ZNF554: variants seen among roughly 807,000 people sequenced by gnomAD.
The protein encoded by ZNF554 is zinc finger protein 554.
ZNF554 carries 15 observed loss-of-function variants against 21.2 expected under a neutral mutation model. The ratio of observed to expected loss-of-function variants is 0.71; its 90% CI spans 0.47 to 1.09. The LOEUF (loss-of-function observed/expected upper bound fraction) is 1.09. Ranked by LOEUF, ZNF554 falls within the 50% of genes least tolerant of loss-of-function variation. ZNF554 has a pLI of 0.00. For missense variants in ZNF554, 691 were observed against 662.7 expected (o/e 1.04, Z -0.47); for synonymous variants, 258 against 251.4 (o/e 1.03, Z -0.25).
chr19:2,820,475 T>C (rs561146700), intron 1 of ZNF554, among the ~76,000 whole-genome samples: 1 of 152,256 alleles, frequency 6.6e-6, no homozygotes, highest in Admixed American at 6.5e-5. Context: ...GGTCCTGCCC[T>C]CCAGGGGACA....
In ZNF554 at chr19:2,819,978, G is replaced by T. The variant is rs1209347864; in HGVS notation, c.-94G>T. Reference sequence around the variant, plus strand: ...TCCGAGCGCCGAGGAGCCGAGCGGAGGAGGCGTCCCAGGGACACGCAGGGG... The same window carrying T: ...TCCGAGCGCCGAGGAGCCGAGCGGATGAGGCGTCCCAGGGACACGCAGGGG... On this transcript the variant is annotated 5_prime_UTR_variant, in exon 1 of 5. It adds an upstream start codon to the 5' untranslated region. Coordinates refer to ENST00000317243, the MANE Select transcript of ZNF554 (RefSeq NM_001102651.2). 6 of 1,008,060 alleles carry T rather than the reference G, an allele frequency of 6.0e-6. No homozygotes were observed. Among genetic ancestry groups the T allele is most frequent in the Non-Finnish European group, 7.5e-6 (6 of 797,310 alleles). The allele number at this position is 1,008,060 out of a possible 1,614,324, so 62.4% of individuals were successfully genotyped here.
chr19:2,833,628 C>G lies in ZNF554; in HGVS notation c.446-53C>G. 7 of 1,465,540 alleles carry G rather than the reference C, an allele frequency of 4.8e-6. No homozygotes were observed. The South Asian group carries it at 1.0e-4, about 21-fold the overall frequency. 90.8% of individuals were successfully genotyped at this position (1,465,540 alleles called of 1,614,324 possible). A position where few individuals can be genotyped will look rare whatever the true frequency, so the allele number is the denominator to read the frequency against. ...GAAGGACTTCTGTCCCGCTGGTTTTCAAGTAGCTGTTTCTTCTTCTAAAAA... is the reference window on the plus strand; with the variant it reads ...GAAGGACTTCTGTCCCGCTGGTTTTGAAGTAGCTGTTTCTTCTTCTAAAAA... On this transcript the variant is annotated intron_variant, in intron 4 of 4. Transcript: ENST00000317243.
Position 2,836,478 on chromosome 19 carries a change from C to T in ZNF554, c.*1626C>T, listed in dbSNP as rs2087497910. 2.0e-5 allele frequency among the ~76,000 whole-genome samples: 3 copies of T among 152,140 alleles called. No homozygotes were observed. Among genetic ancestry groups the T allele is most frequent in the Admixed American group, 2.0e-4 (3 of 15,268 alleles). On this transcript the variant is annotated 3_prime_UTR_variant, in exon 5 of 5. Coordinates refer to ENST00000317243, the MANE Select transcript of ZNF554 (RefSeq NM_001102651.2). ...TGCTGATCCAGAGTATATGCTAAGACGGAAAGCGCTTTGGAGGTAAAGTTT... is the reference window on the plus strand; with the variant it reads ...TGCTGATCCAGAGTATATGCTAAGATGGAAAGCGCTTTGGAGGTAAAGTTT...
In ZNF554 at chr19:2,825,000, G is replaced by GTTTTTTTTTTTTTTT. The variant is rs1568332468; in HGVS notation, c.126+1890_126+1891insTTTTTTTTTTTTTTT. On this transcript the variant is annotated intron_variant, in intron 2 of 4. Coordinates refer to ENST00000317243, the MANE Select transcript of ZNF554 (RefSeq NM_001102651.2). Reference sequence around the variant, plus strand: ...TCTCACTGAGCATAACGTGATTGCAGTTGTTTTTTTTTTTTTTTTTTTTTT... The same window carrying GTTTTTTTTTTTTTTT: ...TCTCACTGAGCATAACGTGATTGCAGTTTTTTTTTTTTTTTTTGTTTTTTTTTTTTTTTTTTTTTT... 4.4e-5 allele frequency among the ~76,000 whole-genome samples: 5 copies of GTTTTTTTTTTTTTTT among 114,914 alleles called. 2 individuals carry two copies. Among genetic ancestry groups the GTTTTTTTTTTTTTTT allele is most frequent in the Non-Finnish European group, 1.8e-5 (1 of 55,646 alleles). The allele number at this position is 114,914 out of a possible 152,430, so 75.4% of individuals were successfully genotyped here.
chr19:2,835,073 A>C lies in ZNF554; in HGVS notation c.*221A>C. The C allele has an allele frequency of 2.1e-6, 1 of 480,114 alleles. No homozygotes were observed. The highest frequency in any genetic ancestry group is 3.7e-6 in the Non-Finnish European group (1 of 269,884). 29.7% of individuals were successfully genotyped at this position (480,114 alleles called of 1,614,324 possible). On this transcript the variant is annotated 3_prime_UTR_variant, in exon 5 of 5. Transcript: ENST00000317243. ...GAGTCCAGTGGCGTGATCATACCTC[A>C]CTGCAGCTTCAACTTCCTGGGCTCA...
chr19:2,822,496 G>A (rs995201278), intron 1 of ZNF554, among the ~76,000 whole-genome samples: 4 of 152,176 alleles, frequency 2.6e-5, no homozygotes, highest in Admixed American at 6.5e-5. Context: ...TGCATGGAGC[G>A]CTTCACTTCC....
chr19:2,826,836 G>A (rs929539869), intron 2 of ZNF554, among the ~76,000 whole-genome samples: 9 of 151,958 alleles, frequency 5.9e-5, no homozygotes, highest in African/African-American at 2.2e-4. Flanking sequence ...TAATTTTTTT[G>A]TATTTTTAGT....
Position 2,823,036 on chromosome 19 carries a change from A to T in ZNF554, c.54-4A>T, listed in dbSNP as rs752234211. On this transcript the variant is annotated splice_region_variant and splice_polypyrimidine_tract_variant and intron_variant, in intron 1 of 4. Transcript: ENST00000317243. Reference sequence around the variant, plus strand: ...TATTCGCAGCGCCTTTTTCCTCCCCACAGCTCTGCCTGCCCAGGAACCTGC... The same window carrying T: ...TATTCGCAGCGCCTTTTTCCTCCCCTCAGCTCTGCCTGCCCAGGAACCTGC... 1 of 1,612,984 alleles carries T rather than the reference A, an allele frequency of 6.2e-7. No homozygotes were observed. Among genetic ancestry groups the T allele is most frequent in the African/African-American group, 1.3e-5 (1 of 74,860 alleles).
rs1473032651 is a variant in ZNF554, at chr19:2,834,354, T to A, written c.1119T>A (p.Thr373=). The A allele has an allele frequency of 3.1e-6, 5 of 1,613,790 alleles. No individual in the cohort carries two copies. In the East Asian group the frequency reaches 1.1e-4, roughly 36 times the overall value. The part of the protein sequence containing the change: ...HSSTLTRHLR[T]HTGEKPYGCG... ...CCACCCTCACGCGCCATCTGAGAAC[T>A]CATACTGGAGAGAAGCCCTACGGGT... is the stretch of plus-strand genomic sequence containing the variant. The change falls in exon 5 of 5, where the codon ACT becomes ACA. Residue 373 remains threonine (T), a synonymous_variant. Transcript: ENST00000317243.
chr19:2,831,718 A>G (rs10406547), intron 3 of ZNF554: 3,060 of 147,246 alleles, frequency 0.021, 101 homozygotes, highest in African/African-American at 0.073. Context: ...TCCCACCTCA[A>G]TCTCCCAGGT....
At position 2,825,000 on chromosome 19, in the gene ZNF554, G is replaced by GTTTTTTTTTTTTTTTTTTT. The variant is rs1568332468; in HGVS notation, c.126+1890_126+1891insTTTTTTTTTTTTTTTTTTT. 2.6e-5 allele frequency among the ~76,000 whole-genome samples: 3 copies of GTTTTTTTTTTTTTTTTTTT among 114,914 alleles called. 1 individual carries two copies. 75.4% of individuals were successfully genotyped at this position (114,914 alleles called of 152,430 possible). A position where few individuals can be genotyped will look rare whatever the true frequency, so the allele number is the denominator to read the frequency against. On this transcript the variant is annotated intron_variant, in intron 2 of 4. Transcript: ENST00000317243. Reference sequence around the variant, plus strand: ...TCTCACTGAGCATAACGTGATTGCAGTTGTTTTTTTTTTTTTTTTTTTTTT... The same window carrying GTTTTTTTTTTTTTTTTTTT: ...TCTCACTGAGCATAACGTGATTGCAGTTTTTTTTTTTTTTTTTTTTTGTTTTTTTTTTTTTTTTTTTTTT...
At position 2,823,155 on chromosome 19, in the gene ZNF554, G is replaced by C. The variant is rs1464566313; in HGVS notation, c.126+43G>C. The C allele has an allele frequency of 5.7e-6, 9 of 1,580,834 alleles. No homozygotes were observed. In the East Asian group the frequency reaches 1.4e-4, roughly 24 times the overall value. On this transcript the variant is annotated intron_variant, in intron 2 of 4. Coordinates refer to ENST00000317243, the MANE Select transcript of ZNF554 (RefSeq NM_001102651.2). ...TCCCAAAGGGCACCCAGTATATCCA[G>C]AGGGAACAATCCCACCAGAAACTCA... is the stretch of plus-strand genomic sequence containing the variant.
chr19:2,824,297 G>C (rs1167165096), intron 2 of ZNF554, among the ~76,000 whole-genome samples: 2 of 152,204 alleles, frequency 1.3e-5, no homozygotes, highest in African/African-American at 2.4e-5. Flanking sequence ...GGCAGCTTCA[G>C]CTGCACCCAG....
chr19:2,820,700 T>TTTTTTTTA (rs2087251457), intron 1 of ZNF554, among the ~76,000 whole-genome samples: 1 of 149,818 alleles, frequency 6.7e-6, no homozygotes, highest in African/African-American at 2.5e-5. Flanking sequence ...TTTTTTTTTT[T>TTTTTTTTA]GAGACGGAGT....
rs1177597075 is a variant in ZNF554, at chr19:2,835,972, A to G, written c.*1120A>G. 6.6e-6 allele frequency among the ~76,000 whole-genome samples: 1 copy of G among 151,878 alleles called. No individual in the cohort carries two copies. Among genetic ancestry groups the G allele is most frequent in the Non-Finnish European group, 1.5e-5 (1 of 67,976 alleles). On this transcript the variant is annotated 3_prime_UTR_variant, in exon 5 of 5. Coordinates refer to ENST00000317243, the MANE Select transcript of ZNF554 (RefSeq NM_001102651.2). ...GCCTCTCCGGTAGCTGGGACTACAC[A>G]TGTGCACCGCTACCACACCCAGCTA... is the stretch of plus-strand genomic sequence containing the variant.
intron 3 of ZNF554, chr19:2,831,048 G>A (rs1439676552): frequency 2.0e-5 from 3 of 152,228 alleles, no homozygotes; most frequent in African/African-American, 4.8e-5. Flanking sequence ...TTACAGACGT[G>A]AGCCACTGTG....
At chr19:2,833,375 C>T (rs186132959) in intron 4 of ZNF554, 14 of 196,708 alleles carry the variant, frequency 7.1e-5, no homozygotes, top group Middle Eastern at 2.0e-3. Context: ...CCACCTGCCT[C>T]GGCCTCCCAA....
At position 2,835,253 on chromosome 19, in the gene ZNF554, ATGAGGT is replaced by A; in HGVS notation, c.*402_*407del. The A allele has an allele frequency of 5.9e-6, 1 of 169,908 alleles. No homozygotes were observed. Among genetic ancestry groups the A allele is most frequent in the Admixed American group, 5.4e-5 (1 of 18,434 alleles). The allele number at this position is 169,908 out of a possible 1,614,324, so 10.5% of individuals were successfully genotyped here. A position where few individuals can be genotyped will look rare whatever the true frequency, so the allele number is the denominator to read the frequency against. ...TTTAGGAGGCCGAGGCGGGTGGATC[ATGAGGT>A]CAGGAGATCGAGACCATCCTGGCTA... On this transcript the variant is annotated 3_prime_UTR_variant, in exon 5 of 5. Transcript: ENST00000317243.
intron 3 of ZNF554, among the ~76,000 whole-genome samples, chr19:2,828,166 TG>T (rs1410503336): frequency 1.3e-5 from 2 of 152,178 alleles, no homozygotes; most frequent in Non-Finnish European, 2.9e-5. Flanking sequence ...ATCTACTATG[TG>T]TCTGGCACCA....
Sources: allele counts gnomAD v4.1 joint callset (sites outside exome capture counted in the v4.1 genomes callset), GRCh38; gene constraint gnomAD v4.1.1; transcripts MANE v1.5; gene names NCBI Gene and HGNC (gene_info 2026-07-23, HGNC 2026-07-21).